SLX9: variants seen among roughly 807,000 people sequenced by gnomAD.
The protein encoded by SLX9 is SLX9 ribosome biogenesis factor.
Under a neutral mutation model 20.8 loss-of-function variants are expected in SLX9, and 19 were observed. The observed-to-expected ratio is 0.91, with a 90% CI of 0.64 to 1.34. The LOEUF (loss-of-function observed/expected upper bound fraction) is 1.34, where lower values mean the gene tolerates loss of function less well. SLX9 is among the 40% of genes most tolerant of loss of function. The pLI is 0.00. For missense variants in SLX9, 299 were observed against 322.2 expected (o/e 0.93, Z 0.55); for synonymous variants, 113 against 137.1 (o/e 0.82, Z 1.23).
At chr21:44,953,925 TC>T (rs1238383694) in intron 2 of SLX9, among the ~76,000 whole-genome samples, 1 of 152,232 alleles carries the variant, frequency 6.6e-6, no homozygotes, top group Non-Finnish European at 1.5e-5. Flanking sequence ...ATTTTCTGCA[TC>T]ATGACCATGC....
At chr21:44,958,735 C>T (rs1245056990) in intron 2 of SLX9, among the ~76,000 whole-genome samples, 2 of 152,198 alleles carry the variant, frequency 1.3e-5, no homozygotes, top group Non-Finnish European at 2.9e-5. Flanking sequence ...CAGGCGGCCT[C>T]TGCTCCAGCT....
Position 44,976,604 on chromosome 21 carries a change from CTGACGTTTCCGGGTGT to C in SLX9, c.570-72_570-57del, listed in dbSNP as rs1349117335. ...AGGCCTCTGCCATTCATTTCGGTGT[CTGACGTTTCCGGGTGT>C]TGAGGGGCTGAGGGGTCCGGGGGTT... On this transcript the variant is annotated intron_variant, in intron 5 of 5. Coordinates refer to ENST00000291634, the MANE Select transcript of SLX9 (RefSeq NM_058190.4). 2.0e-6 allele frequency: 3 copies of C among 1,526,952 alleles called. No individual in the cohort carries two copies. The Admixed American group carries it at 6.0e-5, about 31-fold the overall frequency. 94.6% of individuals were successfully genotyped at this position (1,526,952 alleles called of 1,614,324 possible).
At chr21:44,962,824 A>G (rs7278617) in intron 3 of SLX9, among the ~76,000 whole-genome samples, 11,458 of 151,924 alleles carry the variant, frequency 0.075, 1,423 homozygotes, top group African/African-American at 0.26. Context: ...TTGCCAACAC[A>G]TGGCCTGCCG....
intron 3 of SLX9, among the ~76,000 whole-genome samples, chr21:44,964,249 TATC>T (rs1241556633): frequency 6.6e-6 from 1 of 152,270 alleles, no homozygotes; most frequent in Non-Finnish European, 1.5e-5. Flanking sequence ...AATTTACTAA[TATC>T]ATGCATTAGG....
At chr21:44,947,475 C>T (rs1390273798) in intron 2 of SLX9, among the ~76,000 whole-genome samples, 3 of 152,204 alleles carry the variant, frequency 2.0e-5, no homozygotes, top group Non-Finnish European at 2.9e-5. Context: ...CACCCCTCCT[C>T]CCCCACTCTA....
chr21:44,959,221 A>G, intron 2 of SLX9: 1 of 985,398 alleles, frequency 1.0e-6, no homozygotes, highest in Non-Finnish European at 1.2e-6. Context: ...GTTTTTCATT[A>G]GACATGGTGG....
intron 4 of SLX9, among the ~76,000 whole-genome samples, chr21:44,971,205 C>T (rs2123456641): frequency 1.7e-5 from 1 of 59,956 alleles, no homozygotes; most frequent in East Asian, 6.7e-4. Context: ...GCTGCTCCTG[C>T]CTGGAGGGAG....
At chr21:44,957,880 A>G (rs899562699) in intron 2 of SLX9, among the ~76,000 whole-genome samples, 1 of 152,218 alleles carries the variant, frequency 6.6e-6, no homozygotes, top group African/African-American at 2.4e-5. Context: ...GGCCAGAAGG[A>G]GTGGCAGTGT....
intron 4 of SLX9, among the ~76,000 whole-genome samples, chr21:44,969,842 C>G (rs528644682): frequency 6.6e-6 from 1 of 152,260 alleles, no homozygotes; most frequent in Non-Finnish European, 1.5e-5. Flanking sequence ...TCCCACGTGA[C>G]ATTCAGATGT....
intron 4 of SLX9, 125 bp downstream of exon 4, chr21:44,967,306 G>A: frequency 7.5e-7 from 1 of 1,330,140 alleles, no homozygotes. Flanking sequence ...GAGAGCTGGG[G>A]CTCCAGCCGG....
chr21:44,958,842 G>A (rs968160984), intron 2 of SLX9, among the ~76,000 whole-genome samples: 1 of 152,226 alleles, frequency 6.6e-6, no homozygotes, highest in Non-Finnish European at 1.5e-5. Context: ...CCTGGGGCCA[G>A]AGCCGGGAAG....
intron 5 of SLX9, among the ~76,000 whole-genome samples, chr21:44,976,064 G>A (rs797013679): frequency 3.3e-5 from 5 of 152,380 alleles, no homozygotes; most frequent in African/African-American, 1.2e-4. Context: ...CTGCCCCCGA[G>A]GCTTCTGTGC....
At chr21:44,959,365 TC>T in intron 2 of SLX9, 2 of 621,582 alleles carry the variant, frequency 3.2e-6, no homozygotes, top group Non-Finnish European at 4.0e-6. Flanking sequence ...TGCCCTTGAG[TC>T]CACTCTGTTT....
chr21:44,972,244 C>G (rs1280300122), intron 4 of SLX9, among the ~76,000 whole-genome samples: 11 of 152,156 alleles, frequency 7.2e-5, no homozygotes, highest in Admixed American at 7.2e-4. Flanking sequence ...GTTCTCTGTT[C>G]CTTTTAAGGC....
intron 2 of SLX9, among the ~76,000 whole-genome samples, chr21:44,958,729 C>A (rs577124338): frequency 2.0e-5 from 3 of 152,194 alleles, no homozygotes; most frequent in African/African-American, 7.2e-5. Context: ...CAGTTCCAGG[C>A]GGCCTCTGCT....
chr21:44,947,945 G>T (rs903347809), intron 2 of SLX9, among the ~76,000 whole-genome samples: 4 of 152,236 alleles, frequency 2.6e-5, no homozygotes, highest in African/African-American at 9.6e-5. Flanking sequence ...TCCGCTCTGG[G>T]GGTGGCGAGG....
chr21:44,954,288 G>C (rs1350354546), intron 2 of SLX9, among the ~76,000 whole-genome samples: 2 of 152,172 alleles, frequency 1.3e-5, no homozygotes, highest in Non-Finnish European at 2.9e-5. Flanking sequence ...GTGGGTTGCT[G>C]AGGGGAGCAG....
chr21:44,957,763 A>C lies in SLX9; in HGVS notation c.284-2337A>C, dbSNP rs1335279985. 5.9e-5 allele frequency among the ~76,000 whole-genome samples: 9 copies of C among 152,290 alleles called. No individual in the cohort carries two copies. In the South Asian group the frequency reaches 1.9e-3, roughly 32 times the overall value. On this transcript the variant is annotated intron_variant, in intron 2 of 5. Transcript: ENST00000291634. ...TCTCGGTTTTGTGGGGAATGAGGGTATGAGCACCTCGTCTAGCCTTGCCTC... is the reference window on the plus strand; with the variant it reads ...TCTCGGTTTTGTGGGGAATGAGGGTCTGAGCACCTCGTCTAGCCTTGCCTC...
At position 44,940,127 on chromosome 21, in the gene SLX9, C is replaced by T; in HGVS notation, c.70C>T (p.Pro24Ser). Reference sequence around the variant, plus strand: ...CGTGAGGCCGAAAGGGGAGGCCGCCCCCGGCCCCGCGCCCCCTGCCCCGGA... The same window carrying T: ...CGTGAGGCCGAAAGGGGAGGCCGCCTCCGGCCCCGCGCCCCCTGCCCCGGA... ...AAVRPKGEAA[P>S]GPAPPAPEAT... The change falls in exon 1 of 6, where the codon CCC (proline) becomes TCC (serine). Residue 24 changes from proline to serine, a missense_variant. Coordinates refer to ENST00000291634, the MANE Select transcript of SLX9 (RefSeq NM_058190.4). 7.3e-7 allele frequency: 1 copy of T among 1,363,510 alleles called. No homozygotes were observed. 84.5% of individuals were successfully genotyped at this position (1,363,510 alleles called of 1,614,324 possible). A position where few individuals can be genotyped will look rare whatever the true frequency, so the allele number is the denominator to read the frequency against.
Sources: allele counts gnomAD v4.1 joint callset (sites outside exome capture counted in the v4.1 genomes callset), GRCh38; gene constraint gnomAD v4.1.1; transcripts MANE v1.5; gene names NCBI Gene and HGNC (gene_info 2026-07-23, HGNC 2026-07-21).